The following PTPRD variants were observed in gnomAD, a reference collection of about 807,000 sequenced individuals.
PTPRD encodes the protein protein tyrosine phosphatase receptor type D.
Under a neutral mutation model 214.5 loss-of-function variants are expected in PTPRD, and 34 were observed. The ratio of observed to expected loss-of-function variants is 0.16; its 90% CI spans 0.12 to 0.21. The LOEUF (loss-of-function observed/expected upper bound fraction) is 0.21, where lower values mean the gene tolerates loss of function less well. PTPRD is among the 10% of genes least tolerant of loss of function. PTPRD has a pLI of 1.00. For synonymous variants in PTPRD, 1,128 were observed against 845.7 expected (o/e 1.33, Z -5.79); for missense variants, 2,545 against 2,398.7 (o/e 1.06, Z -1.27).
chr9:9,297,439 G>A (rs1375486555), intron 9 of PTPRD, among the ~76,000 whole-genome samples: 1 of 151,300 alleles, frequency 6.6e-6, no homozygotes, highest in East Asian at 1.9e-4. Context: ...TCCATGATGA[G>A]TTTAAAACAT....
intron 5 of PTPRD, among the ~76,000 whole-genome samples, chr9:9,814,564 G>T (rs1209279753): frequency 4.6e-5 from 7 of 151,966 alleles, no homozygotes; most frequent in African/African-American, 1.4e-4. Context: ...AAATACTTAT[G>T]AATAAATTTA....
chr9:8,559,666 C>T (rs2085384752), intron 14 of PTPRD, among the ~76,000 whole-genome samples: 1 of 152,188 alleles, frequency 6.6e-6, no homozygotes, highest in African/African-American at 2.4e-5. Flanking sequence ...GCTTCAGTCA[C>T]AACTTTCAGA....
At chr9:10,189,471 T>G (rs771845155) in intron 3 of PTPRD, among the ~76,000 whole-genome samples, 93 of 152,202 alleles carry the variant, frequency 6.1e-4, no homozygotes, top group Admixed American at 1.2e-3. Context: ...CTGCATTTTA[T>G]AAGTTAAATT....
At chr9:10,035,361 C>T (rs1420679728) in intron 3 of PTPRD, among the ~76,000 whole-genome samples, 1 of 151,880 alleles carries the variant, frequency 6.6e-6, no homozygotes, top group African/African-American at 2.4e-5. Flanking sequence ...GAATAGTTTG[C>T]AAAAATTTTC....
chr9:9,718,997 G>A (rs2097886046), intron 7 of PTPRD, among the ~76,000 whole-genome samples: 1 of 152,136 alleles, frequency 6.6e-6, no homozygotes, highest in Non-Finnish European at 1.5e-5. Context: ...TGAAGCCTGG[G>A]GGCCAGGATG....
chr9:8,904,846 A>G (rs1173430802), intron 11 of PTPRD, among the ~76,000 whole-genome samples: 1 of 152,196 alleles, frequency 6.6e-6, no homozygotes, highest in Non-Finnish European at 1.5e-5. Flanking sequence ...TAATTGAGGT[A>G]AAAATCAACT....
At chr9:9,372,206 A>G (rs1444126686) in intron 9 of PTPRD, among the ~76,000 whole-genome samples, 7 of 152,074 alleles carry the variant, frequency 4.6e-5, no homozygotes, top group Non-Finnish European at 1.0e-4. Flanking sequence ...TAATGTTGAC[A>G]GTGGGGTGTT....
chr9:10,263,986 G>C (rs891535947), intron 3 of PTPRD, among the ~76,000 whole-genome samples: 9 of 152,200 alleles, frequency 5.9e-5, no homozygotes, highest in African/African-American at 2.2e-4. Context: ...TGGCTTCAGA[G>C]GGTGCAAGCC....
At chr9:8,663,466 G>A (rs551590150) in intron 12 of PTPRD, among the ~76,000 whole-genome samples, 37 of 151,906 alleles carry the variant, frequency 2.4e-4, no homozygotes, top group Non-Finnish European at 4.0e-4. Context: ...AGCTGTGATT[G>A]AGGATTTTAA....
At chr9:10,418,247 C>T (rs536120361) in intron 2 of PTPRD, among the ~76,000 whole-genome samples, 11 of 151,904 alleles carry the variant, frequency 7.2e-5, no homozygotes, top group Admixed American at 3.3e-4. Flanking sequence ...TAGCTCAAGA[C>T]AAATATAATA....
At chr9:9,919,260 T>C (rs2081858740) in intron 5 of PTPRD, among the ~76,000 whole-genome samples, 1 of 152,006 alleles carries the variant, frequency 6.6e-6, no homozygotes. Flanking sequence ...TTCAGGACCC[T>C]ATTACCTTGA....
intron 8 of PTPRD, among the ~76,000 whole-genome samples, chr9:9,407,061 A>T (rs1367235909): frequency 6.6e-6 from 1 of 151,838 alleles, no homozygotes; most frequent in Non-Finnish European, 1.5e-5. Context: ...TACTTATTTC[A>T]TAAAATACTG....
intron 8 of PTPRD, among the ~76,000 whole-genome samples, chr9:9,417,469 A>G (rs1198955608): frequency 6.6e-6 from 1 of 152,136 alleles, no homozygotes. Context: ...GAACAGCTGC[A>G]TGTTCTCCTT....
At chr9:10,332,762 C>G (rs1488166028) in intron 3 of PTPRD, among the ~76,000 whole-genome samples, 1 of 151,702 alleles carries the variant, frequency 6.6e-6, no homozygotes, top group Admixed American at 6.6e-5. Context: ...TGAACTCTTG[C>G]AGTCCGGTGA....
At chr9:8,392,028 C>G (rs2089758542) in intron 36 of PTPRD, among the ~76,000 whole-genome samples, 2 of 152,032 alleles carry the variant, frequency 1.3e-5, no homozygotes, top group South Asian at 4.1e-4. Context: ...GATAAGAATA[C>G]AAAAATGTTG....
chr9:8,943,792 T>C (rs2099047845), intron 11 of PTPRD, among the ~76,000 whole-genome samples: 1 of 150,996 alleles, frequency 6.6e-6, no homozygotes, highest in Admixed American at 6.6e-5. Context: ...GACTTCAAAC[T>C]ATGAAACCAC....
At chr9:9,510,183 C>G (rs541976853) in intron 8 of PTPRD, among the ~76,000 whole-genome samples, 1 of 151,798 alleles carries the variant, frequency 6.6e-6, no homozygotes, top group South Asian at 2.1e-4. Flanking sequence ...ATCAAGGTGG[C>G]CTCATCAACA....
At chr9:9,029,552 T>C (rs930344490) in intron 10 of PTPRD, among the ~76,000 whole-genome samples, 3 of 151,772 alleles carry the variant, frequency 2.0e-5, no homozygotes, top group Admixed American at 6.6e-5. Flanking sequence ...AAAGAAGACT[T>C]TCAGAATAAT....
intron 7 of PTPRD, among the ~76,000 whole-genome samples, chr9:9,703,716 T>C (rs962608958): frequency 2.8e-4 from 42 of 152,174 alleles, no homozygotes; most frequent in Admixed American, 7.2e-4. Context: ...TGATTTTATT[T>C]TTTTGCCAAG....
Sources: allele counts gnomAD v4.1 joint callset (sites outside exome capture counted in the v4.1 genomes callset), GRCh38; gene constraint gnomAD v4.1.1; transcripts MANE v1.5; gene names NCBI Gene and HGNC (gene_info 2026-07-23, HGNC 2026-07-21).